The following BCR variants were observed in gnomAD, a reference collection of about 807,000 sequenced individuals.
BCR encodes the protein breakpoint cluster region protein.
In BCR, 58 loss-of-function variants were observed where a neutral mutation model predicts 138.6. The observed-to-expected ratio is 0.42, with a 90% CI of 0.34 to 0.52. The LOEUF is 0.52. BCR is among the 20% of genes least tolerant of loss of function. BCR has a pLI of 0.06. For synonymous variants in BCR, 786 were observed against 730.1 expected, an observed-to-expected ratio of 1.08 and a Z score of -1.23; for missense variants, 1,599 against 1,727.2, an observed-to-expected ratio of 0.93 and a Z score of 1.32.
chr22:23,307,698 CTG>C (rs2073965154), intron 16 of BCR: 3 of 151,266 alleles, frequency 2.0e-5, no homozygotes, highest in East Asian at 3.9e-4. Flanking sequence ...CTTTGCTTCT[CTG>C]TGCCACTCTG....
rs116157047 is a variant in BCR at position 23,253,683 on chromosome 22, G to A, written c.1280-116G>A. ...AGGGGACGTCAGCATACCCGAGGTC[G>A]TTGTGAGATGCCTGTTGGGGACAGA... is the stretch of plus-strand genomic sequence containing the variant. On this transcript the variant is annotated intron_variant, in intron 1 of 22. Coordinates refer to ENST00000305877, the MANE Select transcript of BCR (RefSeq NM_004327.4). 4.5e-4 allele frequency: 574 copies of A among 1,265,458 alleles called. 2 individuals carry two copies. The African/African-American group carries it at 7.7e-3, about 17-fold the overall frequency. 78.4% of individuals were successfully genotyped at this position (1,265,458 alleles called of 1,614,324 possible).
chr22:23,219,826 T>C (rs1001422395), intron 1 of BCR, among the ~76,000 whole-genome samples: 1 of 152,174 alleles, frequency 6.6e-6, no homozygotes, highest in African/African-American at 2.4e-5. Flanking sequence ...TCCCACCCCA[T>C]GTAGTTCTCT....
chr22:23,311,960 G>T lies in BCR; in HGVS notation c.3322+124G>T, dbSNP rs1460372979. 6.2e-6 allele frequency: 9 copies of T among 1,453,168 alleles called. No homozygotes were observed. In the East Asian group the frequency reaches 7.2e-5, roughly 12 times the overall value. The allele number at this position is 1,453,168 out of a possible 1,614,324, so 90.0% of individuals were successfully genotyped here. The stretch of plus-strand genomic sequence containing the variant: ...TCTGTGTCTTTTCTTCATTTACTGT[G>T]TTATTATTTTTAAAAAAGAGAAGAC... On this transcript the variant is annotated intron_variant, in intron 19 of 22. Transcript: ENST00000305877.
rs1602090480 is a variant in BCR, at chr22:23,273,278, T to C, written c.1974+145T>C. 4 of 901,204 alleles carry C rather than the reference T, an allele frequency of 4.4e-6. No homozygotes were observed. In the East Asian group the frequency reaches 1.1e-4, roughly 24 times the overall value. The allele number at this position is 901,204 out of a possible 1,614,324, so 55.8% of individuals were successfully genotyped here. On this transcript the variant is annotated intron_variant, in intron 7 of 22. Coordinates refer to ENST00000305877, the MANE Select transcript of BCR (RefSeq NM_004327.4). ...TCTAATGGGTAGAGGCCTGGGGTGG[T>C]GTTGGACATTCTGTAGGGAAAGGAC...
At chr22:23,304,088 C>G (rs1248658823) in intron 16 of BCR, among the ~76,000 whole-genome samples, 11 of 147,024 alleles carry the variant, frequency 7.5e-5, no homozygotes, top group African/African-American at 2.8e-4. Flanking sequence ...CATGCGCCAC[C>G]ATGCCAGGCT....
At chr22:23,227,086 C>T (rs1011575049) in intron 1 of BCR, among the ~76,000 whole-genome samples, 3 of 152,112 alleles carry the variant, frequency 2.0e-5, no homozygotes, top group Non-Finnish European at 4.4e-5. Context: ...AAGCCAAAAA[C>T]CATGCAAATA....
chr22:23,287,155 A>G lies in BCR; in HGVS notation c.2407-4A>G. 6.3e-7 allele frequency: 1 copy of G among 1,577,376 alleles called. No homozygotes were observed. The highest frequency in any genetic ancestry group is 1.2e-5 in the South Asian group (1 of 85,796). On this transcript the variant is annotated splice_region_variant and splice_polypyrimidine_tract_variant and intron_variant, in intron 10 of 22. Transcript: ENST00000305877. ...GAAGGTGAGGCTGTGGCATCTCCCC[A>G]CAGAGGGCGAACAAGGGCAGCAAGG...
chr22:23,292,629 C>G lies in BCR; in HGVS notation c.2871C>G (p.Asn957Lys), dbSNP rs771949521. ...TRVYRDTAEP[N>K]WNEEFEIELE... Reference sequence around the variant, plus strand: ...TCTACAGGGACACAGCTGAGCCAAACTGGAACGAGGTGAGGAACTGATTCC... The same window carrying G: ...TCTACAGGGACACAGCTGAGCCAAAGTGGAACGAGGTGAGGAACTGATTCC... Residue 957 changes from asparagine to lysine, a missense_variant, in exon 15 of 23, where the codon AAC becomes AAG. Asn to Lys is a moderately conservative substitution (Grantham distance 94). Around this residue, in one of 4 missense-constraint regions of BCR, gnomAD observed 590 missense variants for 762.4 expected, o/e 0.77. Coordinates refer to ENST00000305877, the MANE Select transcript of BCR (RefSeq NM_004327.4). 1 of 1,611,566 alleles carries G rather than the reference C, an allele frequency of 6.2e-7. No homozygotes were observed. Among genetic ancestry groups the G allele is most frequent in the Non-Finnish European group, 8.5e-7 (1 of 1,178,448 alleles).
rs138110883 is a variant in BCR, at chr22:23,304,628, AC to A, written c.3013-4795del. On this transcript the variant is annotated intron_variant, in intron 16 of 22. Coordinates refer to ENST00000305877, the MANE Select transcript of BCR (RefSeq NM_004327.4). ...GATTGCTGGGCTGTGCAACAAGGTG[AC>A]TATTTGGGGAACTGCCCTACGTTGT... Among the ~76,000 whole-genome samples the A allele has an allele frequency of 6.9e-3, 1,031 of 149,988 alleles. 8 individuals carry two copies. The highest frequency in any genetic ancestry group is 0.015 in the South Asian group (74 of 4,824).
rs745984288 is a variant in BCR at position 23,312,925 on chromosome 22, G to A, written c.3361G>A (p.Val1121Met). Reference sequence around the variant, plus strand: ...GTCGGTGATGATGAGCGAGATGGACGTGAACGCCATCGCAGGCACGCTGAA... The same window carrying A: ...GTCGGTGATGATGAGCGAGATGGACATGAACGCCATCGCAGGCACGCTGAA... ...DVSVMMSEMDVNAIAGTLKLY... is the reference protein window; with the variant it reads ...DVSVMMSEMDMNAIAGTLKLY... Residue 1121 changes from valine to methionine, a missense_variant, in exon 20 of 23, where the codon GTG (valine) becomes ATG (methionine). By Grantham distance (21) the Val-to-Met change is conservative (BLOSUM62 1). Around this residue, in one of 4 missense-constraint regions of BCR, gnomAD observed 177 missense variants for 226.4 expected, o/e 0.78. Transcript: ENST00000305877. The A allele has an allele frequency of 1.3e-5, 21 of 1,591,846 alleles. No individual in the cohort carries two copies. Among genetic ancestry groups the A allele is most frequent in the Non-Finnish European group, 1.8e-5 (21 of 1,174,628 alleles).
chr22:23,237,595 C>T (rs2146250992), intron 1 of BCR, among the ~76,000 whole-genome samples: 1 of 152,330 alleles, frequency 6.6e-6, no homozygotes, highest in Non-Finnish European at 1.5e-5. Flanking sequence ...GCAGAGTTTG[C>T]AGCCCCAGGG....
chr22:23,257,550 G>A (rs974050526), intron 2 of BCR, among the ~76,000 whole-genome samples: 4 of 152,248 alleles, frequency 2.6e-5, no homozygotes, highest in African/African-American at 7.2e-5. Context: ...GATGGGTGGC[G>A]CTGCCCAAGG....
At chr22:23,261,789 G>A (rs9612267) in intron 4 of BCR, 48,417 of 252,098 alleles carry the variant, frequency 0.19, 6,015 homozygotes, top group Middle Eastern at 0.31. Flanking sequence ...AAAAGAGATG[G>A]GGACTTACTA....
chr22:23,295,086 C>G lies in BCR; in HGVS notation c.2943C>G (p.Tyr981Ter), dbSNP rs1477188203. Residue 981 changes from tyrosine to a stop codon, truncating the protein, a stop_gained, in exon 16 of 23, where the codon TAC becomes TAG. Coordinates refer to ENST00000305877, the MANE Select transcript of BCR (RefSeq NM_004327.4). LOFTEE classifies it high-confidence loss of function. ...GGATACTGTGCTATGAAAAGTGTTA[C>G]AACAAGACGAAGATCCCCAAGGAGG... ...TLRILCYEKC[Y>*]NKTKIPKEDG... 1.2e-6 allele frequency: 2 copies of G among 1,614,150 alleles called. No homozygotes were observed. Among genetic ancestry groups the G allele is most frequent in the African/African-American group, 1.3e-5 (1 of 75,042 alleles).
At chr22:23,295,479 G>A (rs1238968145) in intron 16 of BCR, among the ~76,000 whole-genome samples, 4 of 152,156 alleles carry the variant, frequency 2.6e-5, no homozygotes, top group Non-Finnish European at 5.9e-5. Flanking sequence ...GGTGTCCTAG[G>A]CTGAAATTGG....
At chr22:23,258,049 G>A (rs1366434850) in intron 2 of BCR, among the ~76,000 whole-genome samples, 2 of 152,196 alleles carry the variant, frequency 1.3e-5, no homozygotes, top group Admixed American at 6.5e-5. Flanking sequence ...CCTGCCCTGG[G>A]GGGACAGGTG....
intron 14 of BCR, among the ~76,000 whole-genome samples, chr22:23,291,346 C>T (rs752742935): frequency 6.6e-6 from 1 of 151,870 alleles, no homozygotes; most frequent in Non-Finnish European, 1.5e-5. Flanking sequence ...AGAGCAGTGT[C>T]GTGAAAAGAC....
At position 23,246,969 on chromosome 22, in the gene BCR, G is replaced by A. The variant is rs138818039; in HGVS notation, c.1280-6830G>A. Among the ~76,000 whole-genome samples, 824 of 152,226 alleles carry A rather than the reference G, an allele frequency of 5.4e-3. 26 individuals are homozygous for A. The highest frequency in any genetic ancestry group is 0.04 in the Admixed American group (617 of 15,280). Reference sequence around the variant, plus strand: ...TGGTGGTAAGAAGGTGCCAGGCTATGGATGAGCGTGGGGTGCAGAGCCAGC... The same window carrying A: ...TGGTGGTAAGAAGGTGCCAGGCTATAGATGAGCGTGGGGTGCAGAGCCAGC... On this transcript the variant is annotated intron_variant, in intron 1 of 22. Coordinates refer to ENST00000305877, the MANE Select transcript of BCR (RefSeq NM_004327.4).
chr22:23,242,941 G>A lies in BCR; in HGVS notation c.1280-10858G>A, dbSNP rs181070280. 2.2e-5 allele frequency: 10 copies of A among 455,162 alleles called. No individual in the cohort carries two copies. In the Admixed American group the frequency reaches 2.4e-4, roughly 11 times the overall value. 28.2% of individuals were successfully genotyped at this position (455,162 alleles called of 1,614,324 possible). A position where few individuals can be genotyped will look rare whatever the true frequency, so the allele number is the denominator to read the frequency against. Reference sequence around the variant, plus strand: ...GGCCCACGGCATTCCTCGACCTGGTGACAACATCTCTCCAGTCCCTGCCTC... The same window carrying A: ...GGCCCACGGCATTCCTCGACCTGGTAACAACATCTCTCCAGTCCCTGCCTC... On this transcript the variant is annotated intron_variant, in intron 1 of 22. Transcript: ENST00000305877.
Sources: gnomAD v4.1 joint callset for allele counts (sites outside exome capture counted in the v4.1 genomes callset) on GRCh38, gnomAD v4.1.1 for gene constraint, gnomAD v4.1.1 regional missense constraint, MANE v1.5 for transcripts, NCBI Gene and HGNC (gene_info 2026-07-23, HGNC 2026-07-21) for gene names.